The following EYA4 variants were observed in gnomAD, a reference collection of about 807,000 sequenced individuals.
EYA4 encodes the protein protein phosphatase EYA4.
Under a neutral mutation model 87.9 loss-of-function variants are expected in EYA4, and 31 were observed. The observed-to-expected ratio is 0.35, with a 90% confidence interval of 0.27 to 0.48. EYA4 has a LOEUF of 0.48. Among genes scored for constraint, EYA4 ranks in the 20% least tolerant of loss-of-function variants. The pLI is 0.99. For missense variants in EYA4, 678 were observed against 761.4 expected (o/e 0.89, Z 1.29); for synonymous variants, 263 against 270.6 (o/e 0.97, Z 0.28).
At chr6:133,401,947 A>G (rs1194533527) in intron 3 of EYA4, among the ~76,000 whole-genome samples, 2 of 152,188 alleles carry the variant, frequency 1.3e-5, no homozygotes, top group African/African-American at 2.4e-5. Context: ...CAACAGTGCC[A>G]TGGGTGAACT....
At chr6:133,278,082 C>A (rs1252153557) in intron 2 of EYA4, among the ~76,000 whole-genome samples, 1 of 152,000 alleles carries the variant, frequency 6.6e-6, no homozygotes, top group Non-Finnish European at 1.5e-5. Flanking sequence ...GCATACAGAG[C>A]TTAATGCTTA....
rs191098512 is a variant in EYA4 at position 133,302,795 on chromosome 6, G to T, written c.33+27982G>T. Among the ~76,000 whole-genome samples, 307 of 152,246 alleles carry T rather than the reference G, an allele frequency of 2.0e-3. 1 individual carries two copies. The highest frequency in any genetic ancestry group is 7.1e-3 in the African/African-American group (296 of 41,554). Reference sequence around the variant, plus strand: ...TATTAAATGAAAATCTTTTTGAAAAGTTCGTAGAATTTTAAATGTTTGCTG... The same window carrying T: ...TATTAAATGAAAATCTTTTTGAAAATTTCGTAGAATTTTAAATGTTTGCTG... On this transcript the variant is annotated intron_variant, in intron 2 of 19. Coordinates refer to ENST00000355286, the MANE Select transcript of EYA4 (RefSeq NM_004100.5).
intron 14 of EYA4, among the ~76,000 whole-genome samples, chr6:133,509,289 T>A (rs1199280584): frequency 6.6e-6 from 1 of 152,156 alleles, no homozygotes; most frequent in African/African-American, 2.4e-5. Flanking sequence ...TGGAATTAAA[T>A]GATTTCTACT....
At chr6:133,268,621 C>G (rs534442188) in intron 1 of EYA4, among the ~76,000 whole-genome samples, 5 of 152,246 alleles carry the variant, frequency 3.3e-5, no homozygotes, top group Admixed American at 2.0e-4. Context: ...TAACTATTTG[C>G]GTGCATCATT....
At chr6:133,499,718 T>C (rs1227244618) in intron 13 of EYA4, among the ~76,000 whole-genome samples, 1 of 152,098 alleles carries the variant, frequency 6.6e-6, no homozygotes, top group East Asian at 1.9e-4. Flanking sequence ...AGACATTTGG[T>C]CCTTGAAGTT....
chr6:133,410,631 C>G (rs1361804919), intron 3 of EYA4, among the ~76,000 whole-genome samples: 1 of 145,662 alleles, frequency 6.9e-6, no homozygotes, highest in Non-Finnish European at 1.6e-5. Context: ...GAACTAAGGT[C>G]TTAATTCCTT....
chr6:133,504,606 C>T (rs547331911), intron 13 of EYA4, among the ~76,000 whole-genome samples: 1 of 152,296 alleles, frequency 6.6e-6, no homozygotes, highest in South Asian at 2.1e-4. Flanking sequence ...TTCCTATTCT[C>T]CAGGTTTTCA....
chr6:133,268,694 C>T (rs1178023623), intron 1 of EYA4, among the ~76,000 whole-genome samples: 1 of 151,936 alleles, frequency 6.6e-6, no homozygotes, highest in Non-Finnish European at 1.5e-5. Flanking sequence ...TTCACAGGAC[C>T]AAGGATCAAT....
At chr6:133,460,569 A>T (rs929283155) in intron 6 of EYA4, among the ~76,000 whole-genome samples, 1 of 152,092 alleles carries the variant, frequency 6.6e-6, no homozygotes, top group Non-Finnish European at 1.5e-5. Context: ...TTATTACTGG[A>T]ATATTTTAGA....
intron 11 of EYA4, among the ~76,000 whole-genome samples, chr6:133,472,754 C>G (rs1203449126): frequency 2.7e-5 from 3 of 111,102 alleles, no homozygotes; most frequent in African/African-American, 1.1e-4. Flanking sequence ...TCACTGAGGA[C>G]TTGCTTTATG....
At chr6:133,395,283 C>A (rs212808) in intron 3 of EYA4, among the ~76,000 whole-genome samples, 80,914 of 150,024 alleles carry the variant, frequency 0.54, 26,697 homozygotes, top group Non-Finnish European at 0.73. Context: ...CAGTGTGTGG[C>A]ACATAGTAGG....
chr6:133,385,265 C>G (rs1247094988), intron 3 of EYA4, among the ~76,000 whole-genome samples: 1 of 144,590 alleles, frequency 6.9e-6, no homozygotes, highest in African/African-American at 2.5e-5. Flanking sequence ...TGCCACTGCA[C>G]TCCAGCCTGG....
At chr6:133,298,904 A>G (rs1779150052) in intron 2 of EYA4, among the ~76,000 whole-genome samples, 2 of 152,192 alleles carry the variant, frequency 1.3e-5, no homozygotes, top group Non-Finnish European at 2.9e-5. Flanking sequence ...CTTTGCTTTA[A>G]GGTCCATTTT....
chr6:133,482,361 T>A (rs187810456), intron 12 of EYA4, among the ~76,000 whole-genome samples: 58 of 152,326 alleles, frequency 3.8e-4, no homozygotes, highest in African/African-American at 1.2e-3. Context: ...GTGACCGGGC[T>A]GAGTTGCCCA....
At chr6:133,489,844 G>A (rs1015934129) in intron 13 of EYA4, among the ~76,000 whole-genome samples, 2 of 152,112 alleles carry the variant, frequency 1.3e-5, no homozygotes, top group Non-Finnish European at 2.9e-5. Flanking sequence ...GTAACAATAA[G>A]TACACAGGAA....
intron 2 of EYA4, among the ~76,000 whole-genome samples, chr6:133,361,689 A>AT (rs1323703892): frequency 6.6e-6 from 1 of 152,146 alleles, no homozygotes; most frequent in Non-Finnish European, 1.5e-5. Flanking sequence ...AATTGATGAG[A>AT]TTTGAGAGGA....
chr6:133,457,649 A>T (rs73001787), intron 6 of EYA4, among the ~76,000 whole-genome samples: 7,807 of 152,254 alleles, frequency 0.051, 294 homozygotes, highest in South Asian at 0.093. Flanking sequence ...TACTCCAAGA[A>T]AGAAATAATA....
At chr6:133,267,540 G>A (rs948391525) in intron 1 of EYA4, among the ~76,000 whole-genome samples, 3 of 151,940 alleles carry the variant, frequency 2.0e-5, no homozygotes. Context: ...CCGCCACCAT[G>A]CCCGGCTAAT....
At chr6:133,393,687 G>A (rs1343544291) in intron 3 of EYA4, among the ~76,000 whole-genome samples, 1 of 152,096 alleles carries the variant, frequency 6.6e-6, no homozygotes, top group African/African-American at 2.4e-5. Context: ...TCCACATTTT[G>A]GAAATATTTA....
Sources: allele counts gnomAD v4.1 joint callset (sites outside exome capture counted in the v4.1 genomes callset), GRCh38; gene constraint gnomAD v4.1.1; transcripts MANE v1.5; gene names NCBI Gene and HGNC (gene_info 2026-07-23, HGNC 2026-07-21).